C10orf143: variants seen among roughly 807,000 people sequenced by gnomAD.
C10orf143 encodes uncharacterized protein C10orf143.
chr10:130,038,854 G>A (rs373859384), intron 3 of C10orf143, among the ~76,000 whole-genome samples: 6 of 152,202 alleles, frequency 3.9e-5, no homozygotes, highest in Admixed American at 2.6e-4. Flanking sequence ...TGGAGGAGGC[G>A]GAGACGGTAG....
intron 1 of C10orf143, chr10:130,106,460 T>A (rs1394297613): frequency 1.2e-6 from 2 of 1,602,562 alleles, no homozygotes; most frequent in South Asian, 2.2e-5. Context: ...CAGGTCCAAT[T>A]CTGAACTTGA....
At chr10:130,106,184 G>T in intron 1 of C10orf143, 2 of 921,832 alleles carry the variant, frequency 2.2e-6, no homozygotes, top group East Asian at 2.6e-5. Flanking sequence ...GGTGATATGT[G>T]CAGCTGTTGC....
At chr10:130,062,170 C>G (rs529907161), downstream of C10orf143, among the ~76,000 whole-genome samples, 4 of 152,226 alleles carry the variant, frequency 2.6e-5, no homozygotes, top group Non-Finnish European at 2.9e-5. Context: ...GTTGCCATCC[C>G]CCTTTTTAGG....
intron 3 of C10orf143, among the ~76,000 whole-genome samples, chr10:130,044,842 C>T (rs987397464): frequency 2.0e-5 from 3 of 152,108 alleles, no homozygotes; most frequent in Non-Finnish European, 2.9e-5. Context: ...GCTTGTGGGA[C>T]AAGAGGTGCA....
rs1716374643 is a variant in C10orf143 at position 130,103,150 on chromosome 10, G to C, written c.69+7554C>G. Among the ~76,000 whole-genome samples the C allele has an allele frequency of 2.6e-5, 4 of 151,880 alleles. No individual in the cohort carries two copies. The South Asian group carries it at 8.3e-4, about 32-fold the overall frequency. ...TGAGCCACTACGCCCAGCTAATTCT[G>C]TATTTTTAGTAGAGACGGGGTTTCT... On this transcript the variant is annotated intron_variant, in intron 1 of 3. Coordinates refer to ENST00000637128, the MANE Select transcript of C10orf143 (RefSeq NM_001355042.2).
intron 3 of C10orf143, among the ~76,000 whole-genome samples, chr10:130,037,240 G>C (rs912990273): frequency 6.6e-6 from 1 of 152,174 alleles, no homozygotes; most frequent in East Asian, 1.9e-4. Context: ...CACCAAGGCC[G>C]GGCCGCCGCT....
At chr10:130,045,551 G>A (rs1419390389) in intron 3 of C10orf143, among the ~76,000 whole-genome samples, 1 of 152,252 alleles carries the variant, frequency 6.6e-6, no homozygotes, top group Non-Finnish European at 1.5e-5. Context: ...AAACCGCGAG[G>A]CGCCCCTGGG....
At chr10:130,095,249 C>T (rs1327875544) in intron 1 of C10orf143, among the ~76,000 whole-genome samples, 1 of 151,356 alleles carries the variant, frequency 6.6e-6, no homozygotes, top group Non-Finnish European at 1.5e-5. Context: ...TGTGAAGGAC[C>T]TCTTCAAGGA....
chr10:130,107,806 T>C (rs1309200914), intron 1 of C10orf143: 2 of 1,250,492 alleles, frequency 1.6e-6, no homozygotes, highest in Non-Finnish European at 2.3e-6. Flanking sequence ...ACAGGTCTCC[T>C]TCTGACACTG....
At chr10:130,067,388 C>A in intron 3 of C10orf143, 1 of 152,350 alleles carries the variant, frequency 6.6e-6, no homozygotes, top group Non-Finnish European at 1.5e-5. Context: ...GCAAGTCATC[C>A]CTGTGGACTG....
At chr10:130,078,538 A>G (rs2134766268) in intron 3 of C10orf143, among the ~76,000 whole-genome samples, 1 of 152,344 alleles carries the variant, frequency 6.6e-6, no homozygotes, top group African/African-American at 2.4e-5. Flanking sequence ...AACATAACCT[A>G]TGAAAATTTT....
rs141856692 is a variant in C10orf143 at position 130,074,461 on chromosome 10, C to T, written c.297+5105G>A. On this transcript the variant is annotated intron_variant, in intron 3 of 3. Coordinates refer to ENST00000637128, the MANE Select transcript of C10orf143 (RefSeq NM_001355042.2). ...AAGGATGCTTGCTATCAGCTGTGGC[C>T]GAGACAGGACACAAAGAGCAGGGCA... Among the ~76,000 whole-genome samples, 515 of 152,252 alleles carry T rather than the reference C, an allele frequency of 3.4e-3. 1 individual carries two copies. The highest frequency in any genetic ancestry group is 0.011 in the African/African-American group (475 of 41,538).
At chr10:130,039,726 C>T (rs1031703116) in intron 3 of C10orf143, among the ~76,000 whole-genome samples, 8 of 152,160 alleles carry the variant, frequency 5.3e-5, no homozygotes, top group African/African-American at 1.2e-4. Flanking sequence ...CTCATTCATA[C>T]GCTGCAGGTG....
intron 3 of C10orf143, among the ~76,000 whole-genome samples, chr10:130,077,408 A>T (rs1167678148): frequency 6.6e-6 from 1 of 152,214 alleles, no homozygotes; most frequent in Non-Finnish European, 1.5e-5. Flanking sequence ...AGAATTCAGG[A>T]TGCAAGGGAG....
intron 1 of C10orf143, chr10:130,107,664 A>T: frequency 7.6e-7 from 1 of 1,311,792 alleles, no homozygotes; most frequent in African/African-American, 1.5e-5. Flanking sequence ...ACTCTGTTGG[A>T]GGGTCCACTC....
intron 3 of C10orf143, among the ~76,000 whole-genome samples, chr10:130,042,172 G>A (rs1360607770): frequency 6.6e-6 from 1 of 152,192 alleles, no homozygotes; most frequent in African/African-American, 2.4e-5. Flanking sequence ...TGGGAAGAAG[G>A]GAATGATTAT....
At chr10:130,046,613 G>A (rs1860676275) in intron 3 of C10orf143, among the ~76,000 whole-genome samples, 1 of 152,166 alleles carries the variant, frequency 6.6e-6, no homozygotes, top group African/African-American at 2.4e-5. Context: ...TCAAATGGTG[G>A]TGGTCTCTCC....
chr10:130,078,336 G>A (rs914327385), intron 3 of C10orf143, among the ~76,000 whole-genome samples: 1 of 152,106 alleles, frequency 6.6e-6, no homozygotes, highest in Non-Finnish European at 1.5e-5. Flanking sequence ...ATGGGGTGGG[G>A]ACAAAGAAGG....
chr10:130,063,347 A>G (rs1414174003), downstream of C10orf143, among the ~76,000 whole-genome samples: 1 of 152,232 alleles, frequency 6.6e-6, no homozygotes, highest in Non-Finnish European at 1.5e-5. Context: ...AGAGAAGAAC[A>G]AACTAAAGCT....
Sources: gnomAD v4.1 joint callset for allele counts (sites outside exome capture counted in the v4.1 genomes callset) on GRCh38, gnomAD v4.1.1 for gene constraint, MANE v1.5 for transcripts, NCBI Gene and HGNC (gene_info 2026-07-23, HGNC 2026-07-21) for gene names.